The following GLMN variants were observed in gnomAD, a reference collection of about 807,000 sequenced individuals.
The protein encoded by GLMN is glomulin, FKBP associated protein, also known as glomulin.
Under a neutral mutation model 87.8 loss-of-function variants are expected in GLMN, and 75 were observed. The observed-to-expected ratio is 0.85, with a 90% CI of 0.71 to 1.04. The LOEUF is 1.04. Among genes scored for constraint, GLMN ranks in the 50% least tolerant of loss-of-function variants. GLMN has a pLI of 0.00. For synonymous variants in GLMN, 206 were observed against 221.6 expected, an observed-to-expected ratio of 0.93 and a Z score of 0.63; for missense variants, 588 against 658.8, an observed-to-expected ratio of 0.89 and a Z score of 1.18.
the GLMN span, among the ~76,000 whole-genome samples, chr1:92,338,243 C>G: frequency 1.4e-4 from 21 of 152,098 alleles, no homozygotes; most frequent in Non-Finnish European, 2.5e-4. Context: ...GATTTTTACC[C>G]TCATTAGGTG....
chr1:92,292,409 C>CTTAT (rs1012055841), intron 3 of GLMN, among the ~76,000 whole-genome samples: 1 of 151,646 alleles, frequency 6.6e-6, no homozygotes, highest in African/African-American at 2.4e-5. Flanking sequence ...TAAATACATT[C>CTTAT]TTATTTATTT....
At chr1:92,286,026 G>T (rs909918623) in intron 7 of GLMN, among the ~76,000 whole-genome samples, 1 of 151,816 alleles carries the variant, frequency 6.6e-6, no homozygotes, top group Non-Finnish European at 1.5e-5. Flanking sequence ...TTAATTACTA[G>T]GTTACTTATC....
chr1:92,265,178 C>A (rs1655473767), intron 13 of GLMN, among the ~76,000 whole-genome samples: 1 of 152,094 alleles, frequency 6.6e-6, no homozygotes, highest in Non-Finnish European at 1.5e-5. Flanking sequence ...TCCAACAAGC[C>A]ATTTCTATCA....
At chr1:92,342,199 A>T in the GLMN span, among the ~76,000 whole-genome samples, 1 of 152,212 alleles carries the variant, frequency 6.6e-6, no homozygotes, top group Non-Finnish European at 1.5e-5. Context: ...CTGGTTAAGG[A>T]AGACTTCATT....
chr1:92,346,662 T>C, the GLMN span, among the ~76,000 whole-genome samples: 1 of 152,208 alleles, frequency 6.6e-6, no homozygotes, highest in Admixed American at 6.5e-5. Context: ...TTAATGTACA[T>C]TTTTAAAATC....
intron 1 of GLMN, among the ~76,000 whole-genome samples, chr1:92,298,384 T>C (rs1650416000): frequency 6.6e-6 from 1 of 152,138 alleles, no homozygotes; most frequent in Non-Finnish European, 1.5e-5. Flanking sequence ...CTAAAGGGCT[T>C]TTAAAAAGCA....
chr1:92,283,269 C>T (rs932964795), intron 7 of GLMN, among the ~76,000 whole-genome samples: 3 of 152,142 alleles, frequency 2.0e-5, no homozygotes, highest in African/African-American at 7.2e-5. Context: ...ATCTTATGCG[C>T]CACAATCAAG....
intron 7 of GLMN, among the ~76,000 whole-genome samples, chr1:92,284,964 A>C (rs1401542553): frequency 6.6e-6 from 1 of 152,144 alleles, no homozygotes; most frequent in Admixed American, 6.5e-5. Context: ...TCAGGAAACA[A>C]CAGATGCTGG....
At chr1:92,273,441 GTTTTT>G (rs563200839) in intron 7 of GLMN, among the ~76,000 whole-genome samples, 1 of 109,424 alleles carries the variant, frequency 9.1e-6, no homozygotes, top group African/African-American at 3.3e-5. Context: ...AGGTAGCCCT[GTTTTT>G]TTTTTTTTTT....
At chr1:92,357,020 T>C in the GLMN span, among the ~76,000 whole-genome samples, 5 of 151,208 alleles carry the variant, frequency 3.3e-5, no homozygotes, top group African/African-American at 1.2e-4. Context: ...GAGCTGAGAT[T>C]GTGTCACTGC....
the GLMN span, among the ~76,000 whole-genome samples, chr1:92,313,876 T>C: frequency 6.6e-6 from 1 of 152,234 alleles, no homozygotes; most frequent in African/African-American, 2.4e-5. Context: ...CCTTGCACTT[T>C]TATGTTGTGG....
At chr1:92,274,225 C>G (rs1228538042) in intron 7 of GLMN, among the ~76,000 whole-genome samples, 1 of 152,190 alleles carries the variant, frequency 6.6e-6, no homozygotes, top group Admixed American at 6.5e-5. Context: ...TCCTCAGTCT[C>G]TTCATAGGAT....
intron 16 of GLMN, among the ~76,000 whole-genome samples, chr1:92,250,090 ACT>A (rs1235604663): frequency 4.6e-5 from 7 of 151,762 alleles, no homozygotes; most frequent in East Asian, 1.9e-4. Context: ...GTTACTGATG[ACT>A]CTCTGTTACC....
upstream of GLMN, chr1:92,299,207 A>G: frequency 9.2e-7 from 1 of 1,083,852 alleles, no homozygotes; most frequent in Non-Finnish European, 1.3e-6. Flanking sequence ...ATCTCGAGTT[A>G]TAGACCGCAG....
the GLMN span, among the ~76,000 whole-genome samples, chr1:92,360,826 A>G: frequency 6.6e-6 from 1 of 151,978 alleles, no homozygotes; most frequent in African/African-American, 2.4e-5. Flanking sequence ...TGTTACATTC[A>G]TTACTGTATT....
intron 14 of GLMN, among the ~76,000 whole-genome samples, chr1:92,264,125 G>A (rs1655342634): frequency 6.6e-6 from 1 of 152,092 alleles, no homozygotes; most frequent in African/African-American, 2.4e-5. Context: ...AGACGAGCCT[G>A]GGCAACACAG....
intron 3 of GLMN, among the ~76,000 whole-genome samples, chr1:92,296,480 C>T (rs940811196): frequency 6.6e-6 from 1 of 152,122 alleles, no homozygotes; most frequent in Non-Finnish European, 1.5e-5. Flanking sequence ...ACCATCAGAC[C>T]TGGTGAGAAC....
upstream of GLMN, among the ~76,000 whole-genome samples, chr1:92,301,801 C>T (rs12086354): frequency 0.048 from 7,358 of 152,034 alleles, 614 homozygotes; most frequent in African/African-American, 0.17. Flanking sequence ...AAAATAAGTA[C>T]GTAACAAGGT....
chr1:92,336,965 T>G, the GLMN span, among the ~76,000 whole-genome samples: 7 of 152,068 alleles, frequency 4.6e-5, no homozygotes, highest in Non-Finnish European at 1.0e-4. Context: ...TGTTGTGATT[T>G]TTCCTAAAAC....
Sources: gnomAD v4.1 joint callset for allele counts (sites outside exome capture counted in the v4.1 genomes callset) on GRCh38, gnomAD v4.1.1 for gene constraint, MANE v1.5 for transcripts, NCBI Gene and HGNC (gene_info 2026-07-23, HGNC 2026-07-21) for gene names.